The following FSTL5 variants were observed in gnomAD, a reference collection of about 807,000 sequenced individuals.
FSTL5 encodes follistatin like 5.
Under a neutral mutation model 89.1 loss-of-function variants are expected in FSTL5, and 62 were observed. The ratio of observed to expected loss-of-function variants is 0.70; its 90% CI spans 0.57 to 0.86. The LOEUF is 0.86. FSTL5 is among the 40% of genes least tolerant of loss of function. FSTL5 has a pLI of 0.00. For missense variants in FSTL5, 1,057 were observed against 1,001.6 expected, an observed-to-expected ratio of 1.06 and a Z score of -0.75; for synonymous variants, 383 against 346.2, an observed-to-expected ratio of 1.11 and a Z score of -1.18.
At chr4:162,115,063 ACT>A (rs1040828042) in intron 1 of FSTL5, among the ~76,000 whole-genome samples, 1 of 151,924 alleles carries the variant, frequency 6.6e-6, no homozygotes, top group African/African-American at 2.4e-5. Flanking sequence ...CCTTAGGAAA[ACT>A]CTGATTTCTG....
At chr4:161,682,677 C>T (rs1046694669) in intron 6 of FSTL5, among the ~76,000 whole-genome samples, 11 of 152,060 alleles carry the variant, frequency 7.2e-5, no homozygotes, top group South Asian at 2.1e-4. Context: ...ATAGAGCTGT[C>T]GTCTCCTATG....
intron 15 of FSTL5, among the ~76,000 whole-genome samples, chr4:161,412,651 T>TAAAAC (rs969365095): frequency 5.3e-5 from 8 of 152,028 alleles, no homozygotes; most frequent in Admixed American, 3.3e-4. Flanking sequence ...AAGTATAATT[T>TAAAAC]AAAACAAAAC....
At chr4:161,435,809 T>C (rs1262505315) in intron 15 of FSTL5, among the ~76,000 whole-genome samples, 3 of 151,976 alleles carry the variant, frequency 2.0e-5, no homozygotes, top group Non-Finnish European at 4.4e-5. Flanking sequence ...GATGGTCCCT[T>C]GGCAACTCTC....
At chr4:162,123,081 G>C (rs918111730) in intron 1 of FSTL5, among the ~76,000 whole-genome samples, 5 of 151,970 alleles carry the variant, frequency 3.3e-5, no homozygotes, top group African/African-American at 1.2e-4. Flanking sequence ...AAAAATCATT[G>C]CAATTTTGTC....
intron 6 of FSTL5, among the ~76,000 whole-genome samples, chr4:161,683,771 T>G (rs536140628): frequency 6.6e-6 from 1 of 152,182 alleles, no homozygotes; most frequent in Non-Finnish European, 1.5e-5. Flanking sequence ...CCATAGGTTA[T>G]TGGGGAATGG....
intron 7 of FSTL5, among the ~76,000 whole-genome samples, chr4:161,652,712 A>G (rs1280549836): frequency 6.6e-6 from 1 of 152,118 alleles, no homozygotes; most frequent in South Asian, 2.1e-4. Flanking sequence ...AAGGGCAGTT[A>G]TGTTTTTAAA....
intron 11 of FSTL5, among the ~76,000 whole-genome samples, chr4:161,503,549 T>A (rs28587458): frequency 0.59 from 89,858 of 151,660 alleles, 26,974 homozygotes; most frequent in East Asian, 0.72. Context: ...TGCCATTTAT[T>A]ATGAAAACAA....
intron 15 of FSTL5, among the ~76,000 whole-genome samples, chr4:161,400,387 T>A (rs141076883): frequency 4.6e-5 from 7 of 152,186 alleles, no homozygotes; most frequent in Admixed American, 2.0e-4. Context: ...TTGCTTATCA[T>A]CATTTTAATC....
chr4:161,419,467 G>A (rs536950661), intron 15 of FSTL5, among the ~76,000 whole-genome samples: 2 of 152,270 alleles, frequency 1.3e-5, no homozygotes, highest in Non-Finnish European at 2.9e-5. Context: ...AAGAAAAGAG[G>A]TAAGTTTCTG....
intron 8 of FSTL5, among the ~76,000 whole-genome samples, chr4:161,550,031 C>T (rs944146210): frequency 6.6e-6 from 1 of 151,860 alleles, no homozygotes; most frequent in African/African-American, 2.4e-5. Flanking sequence ...CCTGTTAGTT[C>T]CCTTTCCCAG....
chr4:161,987,120 T>C (rs1350091516), intron 3 of FSTL5, among the ~76,000 whole-genome samples: 1 of 152,148 alleles, frequency 6.6e-6, no homozygotes, highest in Non-Finnish European at 1.5e-5. Context: ...TCTAACCCTT[T>C]CTCGACATCT....
chr4:161,476,469 G>T (rs1444759386), intron 13 of FSTL5, among the ~76,000 whole-genome samples: 1 of 151,988 alleles, frequency 6.6e-6, no homozygotes, highest in African/African-American at 2.4e-5. Context: ...TTACAGGCGT[G>T]AGCCATATAT....
Position 161,410,786 on chromosome 4 carries a change from A to T in FSTL5, c.1842-24337T>A, listed in dbSNP as rs183116451. Among the ~76,000 whole-genome samples the T allele has an allele frequency of 3.9e-5, 6 of 152,168 alleles. No individual in the cohort carries two copies. The East Asian group carries it at 1.2e-3, about 29-fold the overall frequency. On this transcript the variant is annotated intron_variant, in intron 15 of 15. Coordinates refer to ENST00000306100, the MANE Select transcript of FSTL5 (RefSeq NM_020116.5). The stretch of plus-strand genomic sequence containing the variant: ...CATTAAGAAGTTAGAAAGTTCTCAA[A>T]TTAAAAATCTAATTTTGCACTTAAA...
intron 15 of FSTL5, among the ~76,000 whole-genome samples, chr4:161,407,849 A>G (rs1197935189): frequency 6.6e-6 from 1 of 152,150 alleles, no homozygotes; most frequent in Non-Finnish European, 1.5e-5. Context: ...CTCCACCTCA[A>G]TGTGTTCCAA....
At chr4:162,078,951 C>G (rs2220095) in intron 2 of FSTL5, among the ~76,000 whole-genome samples, 1 of 151,678 alleles carries the variant, frequency 6.6e-6, no homozygotes, top group Non-Finnish European at 1.5e-5. Flanking sequence ...TGGGCATGCT[C>G]TACTGCAGAA....
chr4:161,634,717 T>A (rs1450901548), intron 7 of FSTL5, among the ~76,000 whole-genome samples: 1 of 152,110 alleles, frequency 6.6e-6, no homozygotes, highest in African/African-American at 2.4e-5. Context: ...GAGAGTAGAA[T>A]GGTGGTTGTC....
intron 4 of FSTL5, among the ~76,000 whole-genome samples, chr4:161,802,019 A>G (rs1433490854): frequency 6.6e-6 from 1 of 151,702 alleles, no homozygotes; most frequent in Non-Finnish European, 1.5e-5. Flanking sequence ...AGTCATTGAA[A>G]AGTCTCATGC....
Position 161,776,057 on chromosome 4 carries a change from T to C in FSTL5, c.427A>G (p.Thr143Ala), listed in dbSNP as rs753226774. ...CFFKGDKCKT[T>A]EYSKMKNMLL... ...ATATTTTTCATCTTGCTGTATTCAG[T>C]AGTCTTGCACTTATCTCCTGTAACA... The change falls in exon 5 of 16, where the codon ACT (threonine) becomes GCT (alanine). Residue 143 changes from threonine (T) to alanine (A), a missense_variant. Physicochemically the swap from Thr to Ala is moderately conservative, Grantham distance 58. This residue lies in a region of FSTL5 where 980 missense variants were observed against 903.2 expected (regional missense o/e 1.08). Coordinates refer to ENST00000306100, the MANE Select transcript of FSTL5 (RefSeq NM_020116.5). 6.4e-6 allele frequency: 10 copies of C among 1,553,312 alleles called. No homozygotes were observed. In the South Asian group the frequency reaches 1.2e-4, roughly 18 times the overall value.
chr4:161,984,959 C>CTT (rs760714876), intron 3 of FSTL5, among the ~76,000 whole-genome samples: 1 of 141,830 alleles, frequency 7.1e-6, no homozygotes, highest in Non-Finnish European at 1.5e-5. Flanking sequence ...TATCTGAATA[C>CTT]TTTTTTTTTT....
Sources: gnomAD v4.1 joint callset for allele counts (sites outside exome capture counted in the v4.1 genomes callset) on GRCh38, gnomAD v4.1.1 for gene constraint, gnomAD v4.1.1 regional missense constraint, MANE v1.5 for transcripts, NCBI Gene and HGNC (gene_info 2026-07-23, HGNC 2026-07-21) for gene names.